The following AGAP1 variants were observed in gnomAD, a reference collection of about 807,000 sequenced individuals.
The protein encoded by AGAP1 is arf-GAP with GTPase, ANK repeat and PH domain-containing protein 1.
AGAP1 carries 29 observed loss-of-function variants against 105.3 expected under a neutral mutation model. The ratio of observed to expected loss-of-function variants is 0.28; its 90% CI spans 0.21 to 0.38. The LOEUF is 0.38. Ranked by LOEUF, AGAP1 falls within the 10% of genes least tolerant of loss-of-function variation. The probability of loss-of-function intolerance (pLI) is 1.00; values close to 1 mark genes in which losing one functional copy is unlikely to be tolerated. For missense variants in AGAP1, 998 were observed against 1,165.1 expected, an observed-to-expected ratio of 0.86 and a Z score of 2.09; for synonymous variants, 509 against 485.9, an observed-to-expected ratio of 1.05 and a Z score of -0.63.
chr2:235,790,528 C>T (rs1299339984), intron 6 of AGAP1, among the ~76,000 whole-genome samples: 4 of 152,156 alleles, frequency 2.6e-5, no homozygotes, highest in Admixed American at 2.0e-4. Context: ...CTTCTAACCA[C>T]CCCAGGTATC....
At chr2:235,671,190 C>G in intron 1 of AGAP1, 1 of 1,046,390 alleles carries the variant, frequency 9.6e-7, no homozygotes, top group South Asian at 4.8e-5. Context: ...AACTCGGGTA[C>G]TGCGGTTTTC....
intron 11 of AGAP1, among the ~76,000 whole-genome samples, chr2:235,909,724 T>C (rs1436274637): frequency 6.6e-6 from 1 of 152,200 alleles, no homozygotes; most frequent in Non-Finnish European, 1.5e-5. Flanking sequence ...TCCAGTCTTC[T>C]TAAAACAGAT....
At chr2:235,816,519 G>T (rs1054741580) in intron 9 of AGAP1, among the ~76,000 whole-genome samples, 13 of 151,536 alleles carry the variant, frequency 8.6e-5, no homozygotes, top group African/African-American at 3.2e-4. Context: ...TCACCTTAAA[G>T]GTTAAAATCC....
At chr2:235,782,521 T>TG (rs1956328772) in intron 6 of AGAP1, among the ~76,000 whole-genome samples, 1 of 152,242 alleles carries the variant, frequency 6.6e-6, no homozygotes, top group Non-Finnish European at 1.5e-5. Context: ...ATTCTTTAGA[T>TG]GGGTGCTAAT....
intron 9 of AGAP1, among the ~76,000 whole-genome samples, chr2:235,861,114 T>C (rs2048912062): frequency 1.3e-5 from 2 of 152,230 alleles, no homozygotes; most frequent in South Asian, 4.1e-4. Flanking sequence ...AGTCTTCCAT[T>C]GAAACAAGGC....
intron 11 of AGAP1, among the ~76,000 whole-genome samples, chr2:235,910,848 T>C (rs1046727265): frequency 2.6e-5 from 4 of 151,026 alleles, no homozygotes; most frequent in Non-Finnish European, 5.9e-5. Context: ...ACCCAGGAGG[T>C]GGAGTGCAGT....
chr2:235,506,359 G>A (rs1453440510), intron 1 of AGAP1, among the ~76,000 whole-genome samples: 1 of 152,096 alleles, frequency 6.6e-6, no homozygotes, highest in Non-Finnish European at 1.5e-5. Context: ...TTGAGGCCAG[G>A]AGTTTGAGAC....
intron 1 of AGAP1, among the ~76,000 whole-genome samples, chr2:235,637,649 C>G (rs1214430533): frequency 6.6e-6 from 1 of 152,022 alleles, no homozygotes; most frequent in Non-Finnish European, 1.5e-5. Flanking sequence ...TGTTTCAGAA[C>G]TTTACACATA....
chr2:235,593,947 G>A (rs994644896), intron 1 of AGAP1, among the ~76,000 whole-genome samples: 1 of 151,960 alleles, frequency 6.6e-6, no homozygotes, highest in African/African-American at 2.4e-5. Context: ...CCAGCCTGGG[G>A]GACAGAGCAA....
chr2:235,678,758 C>T (rs1202415654), intron 1 of AGAP1, among the ~76,000 whole-genome samples: 1 of 152,002 alleles, frequency 6.6e-6, no homozygotes, highest in Non-Finnish European at 1.5e-5. Flanking sequence ...CCTTGGGATC[C>T]TGGTATATTC....
chr2:236,066,111 T>C (rs993318098), intron 16 of AGAP1, among the ~76,000 whole-genome samples: 9 of 152,256 alleles, frequency 5.9e-5, no homozygotes, highest in Admixed American at 1.3e-4. Flanking sequence ...GCCCAAGCTC[T>C]GGAGGGGACA....
intron 9 of AGAP1, among the ~76,000 whole-genome samples, chr2:235,814,012 CT>C (rs1958307659): frequency 6.6e-6 from 1 of 152,178 alleles, no homozygotes; most frequent in Non-Finnish European, 1.5e-5. Flanking sequence ...CTGCCAGAGT[CT>C]GTTGGTGTGT....
rs1200677821 is a variant in AGAP1 at position 235,957,306 on chromosome 2, A to G, written c.1484-11156A>G. Among the ~76,000 whole-genome samples the G allele has an allele frequency of 6.6e-6, 1 of 152,222 alleles. No homozygotes were observed. The highest frequency in any genetic ancestry group is 2.4e-5 in the African/African-American group (1 of 41,456). ...TCTGGGCGTAATTGAAAATGGCCCAAGTAGGCAATTCTTCTCTCCTGTGTG... is the reference window on the plus strand; with the variant it reads ...TCTGGGCGTAATTGAAAATGGCCCAGGTAGGCAATTCTTCTCTCCTGTGTG... On this transcript the variant is annotated intron_variant, in intron 12 of 17. Transcript: ENST00000304032. This position sits in a 1 kb window ranked among gnomAD's most constrained non-coding sequence, Gnocchi z 4.6.
rs990193902 is a variant in AGAP1 at position 235,724,290 on chromosome 2, G to A, written c.310+6646G>A. ...GGGGATGGCTGGTAAAGGCTGTGCC[G>A]GCCCTGCCTCCCTCCCAGAAGGGCG... is the stretch of plus-strand genomic sequence containing the variant. On this transcript the variant is annotated intron_variant, in intron 3 of 17. Coordinates refer to ENST00000304032, the MANE Select transcript of AGAP1 (RefSeq NM_001037131.3). The surrounding 1 kb of genome is among the most constrained non-coding windows in gnomAD (Gnocchi z 4.9). Among the ~76,000 whole-genome samples the A allele has an allele frequency of 3.9e-5, 6 of 152,204 alleles. No individual in the cohort carries two copies. Among genetic ancestry groups the A allele is most frequent in the Admixed American group, 6.5e-5 (1 of 15,270 alleles).
rs147423979 is a variant in AGAP1 at position 235,931,527 on chromosome 2, G to A, written c.1483+604G>A. 3.5e-3 allele frequency among the ~76,000 whole-genome samples: 529 copies of A among 152,064 alleles called. 2 individuals are homozygous for A. The highest frequency in any genetic ancestry group is 5.7e-3 in the Non-Finnish European group (385 of 67,980). On this transcript the variant is annotated intron_variant, in intron 12 of 17. Coordinates refer to ENST00000304032, the MANE Select transcript of AGAP1 (RefSeq NM_001037131.3). The surrounding 1 kb of genome is among the most constrained non-coding windows in gnomAD (Gnocchi z 5.6). ...AACGATCTCGCCGTCTGTGTGGAGC[G>A]TGAATGACGCAGCACCGAGGGCACC...
intron 8 of AGAP1, among the ~76,000 whole-genome samples, chr2:235,805,156 T>G (rs114955116): frequency 0.016 from 2,364 of 152,310 alleles, 47 homozygotes; most frequent in African/African-American, 0.053. Flanking sequence ...GAAATTTTAG[T>G]TTTTTGACTG....
intron 9 of AGAP1, among the ~76,000 whole-genome samples, chr2:235,828,713 G>A (rs1359439963): frequency 6.6e-6 from 1 of 152,190 alleles, no homozygotes; most frequent in African/African-American, 2.4e-5. Context: ...CGCTCACCCA[G>A]CCTTTTCAAA....
rs534079226 is a variant in AGAP1 at position 235,908,153 on chromosome 2, C to T, written c.1156-585C>T. 5.9e-5 allele frequency among the ~76,000 whole-genome samples: 9 copies of T among 152,110 alleles called. No homozygotes were observed. Among genetic ancestry groups the T allele is most frequent in the Non-Finnish European group, 1.2e-4 (8 of 68,032 alleles). On this transcript the variant is annotated intron_variant, in intron 10 of 17. Coordinates refer to ENST00000304032, the MANE Select transcript of AGAP1 (RefSeq NM_001037131.3). This position sits in a 1 kb window ranked among gnomAD's most constrained non-coding sequence, Gnocchi z 4.4. ...CTGCCAGAGAGCAGTCACTGTCCACCGAGGCTTCCCTGTAGTTCTCTGATT... is the reference window on the plus strand; with the variant it reads ...CTGCCAGAGAGCAGTCACTGTCCACTGAGGCTTCCCTGTAGTTCTCTGATT...
At chr2:235,677,200 G>C (rs1046434550) in intron 1 of AGAP1, among the ~76,000 whole-genome samples, 2 of 152,098 alleles carry the variant, frequency 1.3e-5, no homozygotes, top group Admixed American at 6.5e-5. Context: ...TTGGCCCTTT[G>C]TTTTCTTACC....
Sources: gnomAD v4.1 joint callset for allele counts (sites outside exome capture counted in the v4.1 genomes callset) on GRCh38, gnomAD v4.1.1 for gene constraint, Gnocchi (gnomAD v3.1) non-coding constraint, MANE v1.5 for transcripts, NCBI Gene and HGNC (gene_info 2026-07-23, HGNC 2026-07-21) for gene names.